The following ARHGAP6 variants were observed in gnomAD, a reference collection of about 807,000 sequenced individuals.
ARHGAP6 encodes the protein Rho GTPase activating protein 6.
ARHGAP6 carries 16 observed loss-of-function variants against 55.7 expected under a neutral mutation model. The ratio of observed to expected loss-of-function variants is 0.29; its 90% CI spans 0.19 to 0.44. The LOEUF (loss-of-function observed/expected upper bound fraction) is 0.44, where lower values mean the gene tolerates loss of function less well. Ranked by LOEUF, ARHGAP6 falls within the 20% of genes least tolerant of loss-of-function variation. The pLI is 1.00. For synonymous variants in ARHGAP6, 382 were observed against 360.9 expected, an observed-to-expected ratio of 1.06 and a Z score of -0.66; for missense variants, 698 against 808.9, an observed-to-expected ratio of 0.86 and a Z score of 1.66.
At chrX:11,156,716 G>A in intron 9 of ARHGAP6, 90 bp from the exon 10 acceptor site, 3 of 700,599 alleles carry the variant, frequency 4.3e-6, no homozygotes. Flanking sequence ...GCACAAAACA[G>A]AGCCCTAAAA....
At chrX:11,450,443 T>C (rs1292190467) in intron 1 of ARHGAP6, among the ~76,000 whole-genome samples, 1 of 111,549 alleles carries the variant, frequency 9.0e-6, no homozygotes, top group East Asian at 2.8e-4. Flanking sequence ...AGAAGAGAAA[T>C]GTTTTTCTGG....
Position 11,139,217 on chromosome X carries a change from G to A in ARHGAP6, c.2571C>T (p.Ala857=). 4 of 1,201,948 alleles carry A rather than the reference G, an allele frequency of 3.3e-6. No homozygotes were observed. Among genetic ancestry groups the A allele is most frequent in the Non-Finnish European group, 4.5e-6 (4 of 891,695 alleles). Residue 857 remains alanine, a synonymous_variant, in exon 13 of 13, where the codon GCC becomes GCT. Transcript: ENST00000337414. ...GAGGTGTGGCCCGGCTCTGCAGCCC[G>A]GCCACATCCAGCTCACTCTCGCTGA... The part of the protein sequence containing the change: ...HDLSESELDV[A]GLQSRATPQC...
intron 1 of ARHGAP6, among the ~76,000 whole-genome samples, chrX:11,597,588 G>A (rs181702794): frequency 5.0e-4 from 56 of 112,126 alleles, no homozygotes; most frequent in East Asian, 4.5e-3. Context: ...TCTGTAAGCC[G>A]TAAGGAATTA....
In ARHGAP6 at chrX:11,188,704, C is replaced by G; in HGVS notation, c.1077+24G>C. On this transcript the variant is annotated intron_variant, in intron 4 of 12. Transcript: ENST00000337414. ...TCTTCAGTTTTCCTAGCACTGGTGT[C>G]AGAGCAAATACTGGCCACCTCACCC... 4 of 1,195,890 alleles carry G rather than the reference C, an allele frequency of 3.3e-6. No homozygotes were observed. The South Asian group carries it at 7.4e-5, about 22-fold the overall frequency.
chrX:11,196,754 G>T (rs1440202950), intron 3 of ARHGAP6, among the ~76,000 whole-genome samples, 171 bp downstream of exon 3: 1 of 111,984 alleles, frequency 8.9e-6, no homozygotes, highest in Non-Finnish European at 1.9e-5. Context: ...GTACAGGGCT[G>T]CTCAAACACA....
At chrX:11,234,097 G>A (rs2047167927) in intron 2 of ARHGAP6, among the ~76,000 whole-genome samples, 1 of 112,413 alleles carries the variant, frequency 8.9e-6, no homozygotes, top group East Asian at 2.8e-4. Flanking sequence ...TTAAGAGAAG[G>A]GAAGGAAAAT....
chrX:11,661,699 G>A (rs2052705050), intron 1 of ARHGAP6, among the ~76,000 whole-genome samples: 1 of 112,276 alleles, frequency 8.9e-6, no homozygotes, highest in Non-Finnish European at 1.9e-5. Flanking sequence ...ACTCCAGAGG[G>A]ATCCTCGTGG....
At chrX:11,315,347 C>T (rs1011746331) in intron 1 of ARHGAP6, among the ~76,000 whole-genome samples, 8 of 111,837 alleles carry the variant, frequency 7.2e-5, no homozygotes, top group South Asian at 3.8e-4. Flanking sequence ...CCCTCACCTG[C>T]GCAGTTCACA....
intron 1 of ARHGAP6, among the ~76,000 whole-genome samples, chrX:11,276,376 G>C (rs918177856): frequency 4.5e-5 from 5 of 112,140 alleles, no homozygotes; most frequent in African/African-American, 1.6e-4. Context: ...TTTGCTGGTT[G>C]AAAGAAAATT....
chrX:11,579,062 T>C (rs965224466), intron 1 of ARHGAP6, among the ~76,000 whole-genome samples: 1 of 108,215 alleles, frequency 9.2e-6, no homozygotes, highest in Non-Finnish European at 1.9e-5. Flanking sequence ...GGGGGAGGGA[T>C]AGCATTAGGA....
At chrX:11,147,838 C>T (rs1450854049) in intron 10 of ARHGAP6, among the ~76,000 whole-genome samples, 1 of 112,272 alleles carries the variant, frequency 8.9e-6, no homozygotes, top group Non-Finnish European at 1.9e-5. Context: ...GGAAATTTCT[C>T]TGACCCTGAA....
Position 11,138,487 on chromosome X carries a change from TATATC to T in ARHGAP6, c.*371_*375del, listed in dbSNP as rs1303158856. On this transcript the variant is annotated 3_prime_UTR_variant, in exon 13 of 13. Coordinates refer to ENST00000337414, the MANE Select transcript of ARHGAP6 (RefSeq NM_013427.3). Reference sequence around the variant, plus strand: ...GTTCCTTTTGTTTTCTCTTTGTGAATATATCATATATGATTATACATAATCTGTTA... The same window carrying T: ...GTTCCTTTTGTTTTCTCTTTGTGAATATATATGATTATACATAATCTGTTA... The T allele has an allele frequency of 6.3e-6, 1 of 159,426 alleles. No individual in the cohort carries two copies. The highest frequency in any genetic ancestry group is 8.2e-5 in the Admixed American group (1 of 12,187). 13.1% of individuals were successfully genotyped at this position (159,426 alleles called of 1,213,427 possible).
At chrX:11,295,010 T>C (rs1279908290) in intron 1 of ARHGAP6, among the ~76,000 whole-genome samples, 1 of 111,833 alleles carries the variant, frequency 8.9e-6, no homozygotes, top group Non-Finnish European at 1.9e-5. Flanking sequence ...AAAGGTATAT[T>C]CTCAAATGCC....
chrX:11,201,579 G>A (rs893263131), intron 2 of ARHGAP6, among the ~76,000 whole-genome samples: 11 of 67,716 alleles, frequency 1.6e-4, no homozygotes, highest in Non-Finnish European at 2.4e-4. Flanking sequence ...GAACATACCC[G>A]GACTCGGTGA....
chrX:11,621,956 A>G (rs780140855), intron 1 of ARHGAP6, among the ~76,000 whole-genome samples: 1 of 112,160 alleles, frequency 8.9e-6, no homozygotes, highest in African/African-American at 3.2e-5. Flanking sequence ...ATCATGAACA[A>G]CAAATGGTAG....
At chrX:11,340,689 A>G (rs1299370571) in intron 1 of ARHGAP6, among the ~76,000 whole-genome samples, 1 of 107,245 alleles carries the variant, frequency 9.3e-6, no homozygotes, top group Non-Finnish European at 1.9e-5. Context: ...AGATCGCGCC[A>G]CTGCACTCCA....
chrX:11,198,743 TTA>T (rs2046578003), intron 2 of ARHGAP6, among the ~76,000 whole-genome samples: 1 of 112,299 alleles, frequency 8.9e-6, no homozygotes, highest in East Asian at 2.8e-4. Context: ...TACTTAAAAC[TTA>T]TGTATTCTAT....
At chrX:11,221,267 G>T (rs2046965528) in intron 2 of ARHGAP6, 2 of 119,019 alleles carry the variant, frequency 1.7e-5, no homozygotes, top group African/African-American at 6.5e-5. Flanking sequence ...GTGAGGTTAG[G>T]GTATTGATTT....
intron 1 of ARHGAP6, among the ~76,000 whole-genome samples, chrX:11,656,764 C>T (rs1289126141): frequency 8.9e-6 from 1 of 111,836 alleles, no homozygotes; most frequent in East Asian, 2.8e-4. Flanking sequence ...CCCAGACAAT[C>T]CACGATAATC....
Sources: gnomAD v4.1 joint callset for allele counts (sites outside exome capture counted in the v4.1 genomes callset) on GRCh38, gnomAD v4.1.1 for gene constraint, MANE v1.5 for transcripts, NCBI Gene and HGNC (gene_info 2026-07-23, HGNC 2026-07-21) for gene names.